DENND1B: variants seen among roughly 807,000 people sequenced by gnomAD.
DENND1B encodes DENN domain-containing protein 1B.
In DENND1B, 59 loss-of-function variants were observed where a neutral mutation model predicts 90.1. That is an observed-to-expected ratio of 0.65 (90% confidence interval 0.53 to 0.81). The LOEUF (loss-of-function observed/expected upper bound fraction) is 0.81. DENND1B is among the 40% of genes least tolerant of loss of function. The pLI is 0.00. For missense variants in DENND1B, 862 were observed against 912.6 expected (o/e 0.94, Z 0.71); for synonymous variants, 337 against 324.6 (o/e 1.04, Z -0.41).
At chr1:197,522,992 T>C (rs1224168591) in intron 20 of DENND1B, among the ~76,000 whole-genome samples, 1 of 152,146 alleles carries the variant, frequency 6.6e-6, no homozygotes, top group African/African-American at 2.4e-5. Context: ...CTCTTTTCCA[T>C]ATGTAAATTT....
chr1:197,746,754 C>T, intron 2 of DENND1B: 1 of 1,267,042 alleles, frequency 7.9e-7, no homozygotes, highest in Non-Finnish European at 1.2e-6. Context: ...GCAAGTTATG[C>T]ATATCCCATG....
chr1:197,730,658 G>A (rs935910443), intron 2 of DENND1B, among the ~76,000 whole-genome samples: 1 of 151,772 alleles, frequency 6.6e-6, no homozygotes, highest in Admixed American at 6.6e-5. Context: ...AATCTGTTAC[G>A]GTGGCTTTTA....
intron 6 of DENND1B, among the ~76,000 whole-genome samples, chr1:197,657,883 C>A (rs1413494536): frequency 6.6e-6 from 1 of 152,094 alleles, no homozygotes. Flanking sequence ...AATGAATGAA[C>A]AAACTGGGGT....
At chr1:197,627,140 TC>T (rs1678827153) in intron 10 of DENND1B, among the ~76,000 whole-genome samples, 1 of 151,866 alleles carries the variant, frequency 6.6e-6, no homozygotes, top group African/African-American at 2.4e-5. Context: ...ACTATTCCAA[TC>T]AATAGAAAAA....
At position 197,646,892 on chromosome 1, in the gene DENND1B, A is replaced by C. The variant is rs1418581866; in HGVS notation, c.507+163T>G. Among the ~76,000 whole-genome samples the C allele has an allele frequency of 3.9e-5, 6 of 152,298 alleles. No homozygotes were observed. The East Asian group carries it at 1.2e-3, about 29-fold the overall frequency. On this transcript the variant is annotated intron_variant, in intron 8 of 22. Transcript: ENST00000620048. ...TTCATAAAACTATGCTTTAAAAGAT[A>C]GTATAAACAGAAAATATTATATATT... is the stretch of plus-strand genomic sequence containing the variant.
chr1:197,693,190 A>G (rs913699644), intron 3 of DENND1B, among the ~76,000 whole-genome samples: 1 of 151,700 alleles, frequency 6.6e-6, no homozygotes, highest in Admixed American at 6.6e-5. Context: ...CTGGTCAAAT[A>G]GGCTAAGGAT....
At chr1:197,553,188 A>G in intron 15 of DENND1B, 76 bp from the exon 16 acceptor site, 1 of 1,233,712 alleles carries the variant, frequency 8.1e-7, no homozygotes. Flanking sequence ...TCATTTTATA[A>G]GGTTAGATTT....
chr1:197,535,640 C>T (rs1325644156), intron 20 of DENND1B, among the ~76,000 whole-genome samples: 1 of 152,190 alleles, frequency 6.6e-6, no homozygotes, highest in Non-Finnish European at 1.5e-5. Flanking sequence ...CAATCAGAAA[C>T]AGTAGACATC....
intron 10 of DENND1B, among the ~76,000 whole-genome samples, chr1:197,640,257 G>A (rs1680152432): frequency 6.6e-6 from 1 of 152,130 alleles, no homozygotes; most frequent in Non-Finnish European, 1.5e-5. Context: ...TGGATTGCTT[G>A]AGGTTAGGAG....
At chr1:197,647,631 C>T (rs1680845782) in intron 7 of DENND1B, among the ~76,000 whole-genome samples, 1 of 152,088 alleles carries the variant, frequency 6.6e-6, no homozygotes, top group Non-Finnish European at 1.5e-5. Flanking sequence ...CAAACATTAA[C>T]AGCTGATTTT....
At chr1:197,617,967 G>C in intron 10 of DENND1B, among the ~76,000 whole-genome samples, 1 of 151,050 alleles carries the variant, frequency 6.6e-6, no homozygotes, top group African/African-American at 2.4e-5. Flanking sequence ...AAGCTTCTTG[G>C]GAATCATGTA....
At chr1:197,751,739 G>A (rs1002443596) in intron 2 of DENND1B, among the ~76,000 whole-genome samples, 1 of 151,886 alleles carries the variant, frequency 6.6e-6, no homozygotes, top group Non-Finnish European at 1.5e-5. Context: ...AGCTACTCAG[G>A]AGGCTGAGGC....
chr1:197,684,760 A>T (rs1458142802), intron 3 of DENND1B, among the ~76,000 whole-genome samples: 13 of 152,182 alleles, frequency 8.5e-5, no homozygotes, highest in East Asian at 3.8e-4. Context: ...TAGACTTATA[A>T]ATAAGAGCTT....
At chr1:197,766,578 A>G (rs1338056999) in intron 2 of DENND1B, among the ~76,000 whole-genome samples, 1 of 152,194 alleles carries the variant, frequency 6.6e-6, no homozygotes, top group African/African-American at 2.4e-5. Flanking sequence ...TGAAGAGAGG[A>G]AAGGAGACAT....
In DENND1B at chr1:197,582,608, T is replaced by C. The variant is rs557453521; in HGVS notation, c.1149+544A>G. Among the ~76,000 whole-genome samples, 4 of 152,332 alleles carry C rather than the reference T, an allele frequency of 2.6e-5. No individual in the cohort carries two copies. In the East Asian group the frequency reaches 7.7e-4, roughly 29 times the overall value. On this transcript the variant is annotated intron_variant, in intron 15 of 22. Coordinates refer to ENST00000620048, the MANE Select transcript of DENND1B (RefSeq NM_001195215.2). Reference sequence around the variant, plus strand: ...TGCATCCAAAATTTCTGAAATCTGATGTCTAGTTACTGCTTTTTTGAAATA... The same window carrying C: ...TGCATCCAAAATTTCTGAAATCTGACGTCTAGTTACTGCTTTTTTGAAATA...
chr1:197,593,431 CA>C (rs1675415283), intron 14 of DENND1B, among the ~76,000 whole-genome samples: 1 of 148,568 alleles, frequency 6.7e-6, no homozygotes, highest in African/African-American at 2.5e-5. Flanking sequence ...GGCAACTAAA[CA>C]AATAAATTTA....
intron 5 of DENND1B, among the ~76,000 whole-genome samples, chr1:197,671,006 T>C (rs924592264): frequency 2.0e-5 from 3 of 152,064 alleles, no homozygotes; most frequent in Admixed American, 6.6e-5. Flanking sequence ...TGAATAAAGA[T>C]AGAAAAAAAC....
intron 10 of DENND1B, among the ~76,000 whole-genome samples, chr1:197,623,372 G>C (rs185530553): frequency 1.3e-5 from 2 of 151,258 alleles, no homozygotes; most frequent in Non-Finnish European, 3.0e-5. Flanking sequence ...GAAAAAAACT[G>C]TTTAAACACA....
chr1:197,609,892 T>C (rs538547964), intron 12 of DENND1B, among the ~76,000 whole-genome samples: 49 of 150,768 alleles, frequency 3.3e-4, no homozygotes, highest in African/African-American at 1.2e-3. Context: ...ATACTAAATA[T>C]GTAAATAGCT....
Sources: gnomAD v4.1 joint callset for allele counts (sites outside exome capture counted in the v4.1 genomes callset) on GRCh38, gnomAD v4.1.1 for gene constraint, MANE v1.5 for transcripts, NCBI Gene and HGNC (gene_info 2026-07-23, HGNC 2026-07-21) for gene names.